The following CACNA1E variants were observed in gnomAD, a reference collection of about 807,000 sequenced individuals.
The protein encoded by CACNA1E is voltage-dependent R-type calcium channel subunit alpha-1E.
In CACNA1E, 40 loss-of-function variants were observed where a neutral mutation model predicts 259.2. That is an observed-to-expected ratio of 0.15 (90% confidence interval 0.12 to 0.20). The LOEUF (loss-of-function observed/expected upper bound fraction) is 0.20, where lower values mean the gene tolerates loss of function less well. Ranked by LOEUF, CACNA1E falls within the 10% of genes least tolerant of loss-of-function variation. CACNA1E has a pLI of 1.00. For synonymous variants in CACNA1E, 1,104 were observed against 1,138.5 expected (o/e 0.97, Z 0.61); for missense variants, 1,874 against 3,040.1 (o/e 0.62, Z 9.02).
intron 34 of CACNA1E, among the ~76,000 whole-genome samples, chr1:181,765,670 G>A (rs1374656299): frequency 1.3e-4 from 20 of 152,184 alleles, no homozygotes; most frequent in Admixed American, 1.3e-3. Context: ...TCAAGACAGG[G>A]TGGAGACTCC....
chr1:181,489,213 A>G lies in CACNA1E; in HGVS notation c.266+5203A>G, dbSNP rs1571997746. On this transcript the variant is annotated intron_variant, in intron 1 of 47. Transcript: ENST00000367573. ...ACATAAAAGAGGAAACCTAAATGCA[A>G]CTCTAATTAATATCCATTTATTCAG... 5.9e-5 allele frequency among the ~76,000 whole-genome samples: 9 copies of G among 151,988 alleles called. No individual in the cohort carries two copies. In the South Asian group the frequency reaches 1.7e-3, roughly 28 times the overall value.
chr1:181,670,804 A>G (rs946181708), intron 7 of CACNA1E, among the ~76,000 whole-genome samples: 2 of 152,116 alleles, frequency 1.3e-5, no homozygotes, highest in African/African-American at 4.8e-5. Context: ...TTTCTCCTCC[A>G]TCCTCTTGTC....
intron 6 of CACNA1E, among the ~76,000 whole-genome samples, chr1:181,597,884 G>T (rs1188604644): frequency 6.6e-6 from 1 of 152,168 alleles, no homozygotes; most frequent in African/African-American, 2.4e-5. Flanking sequence ...GAACAGCCCA[G>T]GAAAGACCTG....
At chr1:181,526,731 C>G (rs1667390187) in intron 3 of CACNA1E, among the ~76,000 whole-genome samples, 1 of 152,168 alleles carries the variant, frequency 6.6e-6, no homozygotes, top group Non-Finnish European at 1.5e-5. Flanking sequence ...TATTTGAAGT[C>G]TGCTTCTGGC....
intron 7 of CACNA1E, among the ~76,000 whole-genome samples, chr1:181,688,346 G>A (rs947600153): frequency 1.3e-5 from 2 of 152,154 alleles, no homozygotes; most frequent in African/African-American, 4.8e-5. Context: ...TCGCTGCTGA[G>A]CAGAATTCTA....
intron 6 of CACNA1E, among the ~76,000 whole-genome samples, chr1:181,594,479 A>G (rs1177084310): frequency 6.6e-6 from 1 of 152,092 alleles, no homozygotes; most frequent in Non-Finnish European, 1.5e-5. Flanking sequence ...GCTTACTGCA[A>G]CCTCCACCTC....
rs74127858 is a variant in CACNA1E at position 181,773,457 on chromosome 1, T to C, written c.5139+1226T>C. ...TGTGTTTTAATACACTTCCTTCTTA[T>C]GTATGTGAAAGGTTTTTCAGTAAAA... On this transcript the variant is annotated intron_variant, in intron 37 of 47. Coordinates refer to ENST00000367573, the MANE Select transcript of CACNA1E (RefSeq NM_001205293.3). Among the ~76,000 whole-genome samples, 230 of 152,336 alleles carry C rather than the reference T, an allele frequency of 1.5e-3. 4 individuals are homozygous for C. Among genetic ancestry groups the C allele is most frequent in the African/African-American group, 5.2e-3 (215 of 41,564 alleles).
intron 3 of CACNA1E, among the ~76,000 whole-genome samples, chr1:181,538,193 C>T (rs1382860131): frequency 6.6e-6 from 1 of 152,126 alleles, no homozygotes; most frequent in African/African-American, 2.4e-5. Flanking sequence ...TGCTTGAAAC[C>T]ATTTTAAATC....
upstream of CACNA1E, among the ~76,000 whole-genome samples, chr1:181,482,971 G>A (rs181627044): frequency 5.4e-3 from 819 of 152,408 alleles, 8 homozygotes; most frequent in African/African-American, 0.019. Context: ...TAGCCCAAGC[G>A]CAGGAGCTTT....
At chr1:181,764,162 T>C (rs3767009) in intron 34 of CACNA1E, among the ~76,000 whole-genome samples, 3,061 of 152,286 alleles carry the variant, frequency 0.02, 83 homozygotes, top group East Asian at 0.12. Context: ...GGTGTACATA[T>C]GATAAATATA....
intron 6 of CACNA1E, among the ~76,000 whole-genome samples, chr1:181,646,130 T>G (rs1437347118): frequency 6.6e-6 from 1 of 152,232 alleles, no homozygotes; most frequent in Non-Finnish European, 1.5e-5. Flanking sequence ...CCTGGCTTTT[T>G]TGCTAGCCTA....
chr1:181,342,899 A>G (rs997456647), intron 1 of CACNA1E, among the ~76,000 whole-genome samples: 2 of 152,114 alleles, frequency 1.3e-5, no homozygotes, highest in African/African-American at 4.8e-5. Flanking sequence ...ATATATTCAC[A>G]ACAAAAAGGT....
intron 2 of CACNA1E, among the ~76,000 whole-genome samples, chr1:181,441,960 T>C (rs1203709248): frequency 6.6e-6 from 1 of 152,218 alleles, no homozygotes; most frequent in Non-Finnish European, 1.5e-5. Flanking sequence ...TCATTTCATC[T>C]GACAGCTCAG....
rs1436036306 is a variant in CACNA1E, at chr1:181,776,273, T to A, written c.5267+45T>A. On this transcript the variant is annotated intron_variant, in intron 38 of 47. Coordinates refer to ENST00000367573, the MANE Select transcript of CACNA1E (RefSeq NM_001205293.3). This position sits in a 1 kb window ranked among gnomAD's most constrained non-coding sequence, Gnocchi z 4.4. ...GCCCCAGCGGGGCCCAGAGCAAAGG[T>A]CTCTGGAGTTCCCAGGGAAGAGGCT... 1 of 1,602,100 alleles carries A rather than the reference T, an allele frequency of 6.2e-7. No homozygotes were observed. Among genetic ancestry groups the A allele is most frequent in the African/African-American group, 1.3e-5 (1 of 74,632 alleles).
chr1:181,564,312 C>A (rs1649607240), intron 3 of CACNA1E, among the ~76,000 whole-genome samples: 1 of 152,152 alleles, frequency 6.6e-6, no homozygotes, highest in Non-Finnish European at 1.5e-5. Context: ...TATTATAAAT[C>A]CTTTGTTGTC....
intron 7 of CACNA1E, among the ~76,000 whole-genome samples, chr1:181,705,805 C>T (rs1157587059): frequency 6.6e-6 from 1 of 152,162 alleles, no homozygotes; most frequent in African/African-American, 2.4e-5. Flanking sequence ...GGTTATGAGC[C>T]TAGGGTTTAT....
intron 1 of CACNA1E, among the ~76,000 whole-genome samples, chr1:181,498,059 C>T (rs922501629): frequency 2.0e-5 from 3 of 152,196 alleles, no homozygotes; most frequent in Non-Finnish European, 4.4e-5. Context: ...TCAATATTAG[C>T]ATGGAAAGTC....
chr1:181,391,219 C>G (rs1656251639), intron 1 of CACNA1E, among the ~76,000 whole-genome samples: 1 of 152,194 alleles, frequency 6.6e-6, no homozygotes, highest in East Asian at 1.9e-4. Flanking sequence ...ACTCATTTTC[C>G]TCTTTTATCA....
chr1:181,655,443 G>A (rs1558233052), intron 7 of CACNA1E, among the ~76,000 whole-genome samples: 1 of 152,178 alleles, frequency 6.6e-6, no homozygotes. Context: ...CTGAAAGTTA[G>A]TAACAAATAG....
Sources: gnomAD v4.1 joint callset for allele counts (sites outside exome capture counted in the v4.1 genomes callset) on GRCh38, gnomAD v4.1.1 for gene constraint, Gnocchi (gnomAD v3.1) non-coding constraint, MANE v1.5 for transcripts, NCBI Gene and HGNC (gene_info 2026-07-23, HGNC 2026-07-21) for gene names.